UQCC1: variants seen among roughly 807,000 people sequenced by gnomAD.
UQCC1 encodes ubiquinol-cytochrome c reductase complex assembly factor 1.
Under a neutral mutation model 48.0 loss-of-function variants are expected in UQCC1, and 38 were observed. The ratio of observed to expected loss-of-function variants is 0.79; its 90% confidence interval spans 0.61 to 1.04. The LOEUF is 1.04. Ranked by LOEUF, UQCC1 falls within the 50% of genes least tolerant of loss-of-function variation. UQCC1 has a pLI of 0.00. For missense variants in UQCC1, 368 were observed against 381.8 expected, an observed-to-expected ratio of 0.96 and a Z score of 0.30; for synonymous variants, 111 against 129.2, an observed-to-expected ratio of 0.86 and a Z score of 0.95.
intron 7 of UQCC1, among the ~76,000 whole-genome samples, chr20:35,337,130 C>A (rs559004229): frequency 6.6e-6 from 1 of 151,966 alleles, no homozygotes; most frequent in Admixed American, 6.5e-5. Context: ...GGTGAAAAGA[C>A]AGACTGTTGG....
rs201225667 is a variant in UQCC1 at position 35,360,076 on chromosome 20, T to TA, written c.464+6480dup. On this transcript the variant is annotated intron_variant, in intron 6 of 9. Transcript: ENST00000374385. ...TGCCTGTCAGATCCACTATAAAGAA[T>TA]AAGCCCCTGGGTACCAGGTATCAGC... Among the ~76,000 whole-genome samples, 1,036 of 152,272 alleles carry TA rather than the reference T, an allele frequency of 6.8e-3. 10 individuals are homozygous for TA. The highest frequency in any genetic ancestry group is 0.039 in the East Asian group (204 of 5,168).
At chr20:35,401,957 A>G (rs1338210934) in intron 1 of UQCC1, among the ~76,000 whole-genome samples, 10 of 151,764 alleles carry the variant, frequency 6.6e-5, no homozygotes, top group Non-Finnish European at 2.9e-5. Context: ...CACCATGCCC[A>G]GCCGAAATCC....
intron 4 of UQCC1, among the ~76,000 whole-genome samples, chr20:35,381,166 G>A (rs1415369828): frequency 6.6e-6 from 1 of 152,208 alleles, no homozygotes; most frequent in African/African-American, 2.4e-5. Context: ...GCTAGGCCAA[G>A]AGTTGACTGG....
Position 35,338,874 on chromosome 20 carries a change from A to T in UQCC1, c.573+8290T>A, listed in dbSNP as rs1568666045. On this transcript the variant is annotated intron_variant, in intron 7 of 9. Coordinates refer to ENST00000374385, the MANE Select transcript of UQCC1 (RefSeq NM_018244.5). Reference sequence around the variant, plus strand: ...CTCAAAAGAAAAAAAAAAAAAAAAAAAAAAAAAAAAAAAAAAAAATATATA... The same window carrying T: ...CTCAAAAGAAAAAAAAAAAAAAAAATAAAAAAAAAAAAAAAAAAATATATA... Among the ~76,000 whole-genome samples the T allele has an allele frequency of 9.2e-4, 54 of 58,380 alleles. 1 individual carries two copies. Among genetic ancestry groups the T allele is most frequent in the African/African-American group, 3.3e-3 (16 of 4,872 alleles). 38.3% of individuals were successfully genotyped at this position (58,380 alleles called of 152,430 possible). A position where few individuals can be genotyped will look rare whatever the true frequency, so the allele number is the denominator to read the frequency against.
intron 7 of UQCC1, chr20:35,344,303 G>A (rs1043572054): frequency 2.6e-5 from 4 of 152,322 alleles, no homozygotes; most frequent in Non-Finnish European, 5.9e-5. Context: ...AAGAGAGATG[G>A]AGGTCCAGAA....
intron 4 of UQCC1, among the ~76,000 whole-genome samples, chr20:35,380,831 T>G (rs1600983762): frequency 6.6e-6 from 1 of 152,218 alleles, no homozygotes; most frequent in African/African-American, 2.4e-5. Flanking sequence ...GTTTTGAATT[T>G]TGGATTTGGG....
Position 35,303,949 on chromosome 20 carries a change from CGTT to C in UQCC1, c.883_885del (p.Asn295del). On this transcript the variant is annotated inframe_deletion, in exon 10 of 10. Coordinates refer to ENST00000374385, the MANE Select transcript of UQCC1 (RefSeq NM_018244.5). Reference sequence around the variant, plus strand: ...GGCCCAGCCCATCAAAGTCCCTCGTCGTTGTAAGTCGGAGAATGGGGCTTCAGG... The same window carrying C: ...GGCCCAGCCCATCAAAGTCCCTCGTCGTAAGTCGGAGAATGGGGCTTCAGG... 1 of 1,614,192 alleles carries C rather than the reference CGTT, an allele frequency of 6.2e-7. No individual in the cohort carries two copies.
At position 35,381,972 on chromosome 20, in the gene UQCC1, G is replaced by A; in HGVS notation, c.279C>T (p.Phe93=). The A allele has an allele frequency of 1.9e-6, 3 of 1,613,368 alleles. No homozygotes were observed. Among genetic ancestry groups the A allele is most frequent in the Non-Finnish European group, 1.7e-6 (2 of 1,179,638 alleles). ...ATCCCATGGCTTCTATTATCTTTGT[G>A]AAAGCACCAACCTTCTCCTCAACAG... ...PQPVEEKVGA[F]TKIIEAMGFT... is the part of the protein sequence containing the mutation. The change falls in exon 4 of 10, where the codon TTC becomes TTT. Residue 93 remains phenylalanine (F), a synonymous_variant. Coordinates refer to ENST00000374385, the MANE Select transcript of UQCC1 (RefSeq NM_018244.5).
chr20:35,337,420 C>T (rs1314123002), intron 7 of UQCC1, among the ~76,000 whole-genome samples: 1 of 152,138 alleles, frequency 6.6e-6, no homozygotes, highest in Non-Finnish European at 1.5e-5. Context: ...AACCCCTGAC[C>T]TCATGATCCA....
chr20:35,410,420 T>A (rs1017420844), intron 1 of UQCC1, among the ~76,000 whole-genome samples: 10 of 150,626 alleles, frequency 6.6e-5, no homozygotes, highest in Non-Finnish European at 1.2e-4. Context: ...TAATCCCAGC[T>A]ACTTGGGAGG....
chr20:35,309,160 G>A (rs529298189), intron 8 of UQCC1: 2 of 456,214 alleles, frequency 4.4e-6, no homozygotes, highest in Non-Finnish European at 8.8e-6. Context: ...GAGTGGGAGA[G>A]CAATCAGAAT....
chr20:35,366,739 T>A, intron 5 of UQCC1, 125 bp from the exon 6 acceptor site: 1 of 739,248 alleles, frequency 1.4e-6, no homozygotes, highest in Non-Finnish European at 2.3e-6. Context: ...AAAAGTCCAG[T>A]AGAACAATAG....
chr20:35,309,425 C>G (rs1199975608), intron 8 of UQCC1, among the ~76,000 whole-genome samples: 5 of 150,992 alleles, frequency 3.3e-5, no homozygotes, highest in African/African-American at 1.2e-4. Flanking sequence ...AGAGTGAGAC[C>G]CTGTCTTAGG....
At chr20:35,385,015 G>C (rs189589009) in intron 2 of UQCC1, among the ~76,000 whole-genome samples, 16 of 146,798 alleles carry the variant, frequency 1.1e-4, no homozygotes, top group African/African-American at 3.8e-4. Flanking sequence ...TGGAAACCTG[G>C]AACTACATCT....
chr20:35,316,062 C>T (rs1448757643), intron 7 of UQCC1, among the ~76,000 whole-genome samples: 2 of 152,142 alleles, frequency 1.3e-5, no homozygotes, highest in African/African-American at 4.8e-5. Context: ...CAGACAGTAA[C>T]ACGCTGTAAG....
intron 1 of UQCC1, among the ~76,000 whole-genome samples, chr20:35,397,125 G>A (rs571469919): frequency 6.6e-6 from 1 of 151,252 alleles, no homozygotes; most frequent in East Asian, 1.9e-4. Flanking sequence ...TTGAACCCAG[G>A]AGGCAAAGGT....
chr20:35,382,792 G>A lies in UQCC1; in HGVS notation c.226-767C>T, dbSNP rs1265585694. 2.6e-5 allele frequency among the ~76,000 whole-genome samples: 4 copies of A among 151,940 alleles called. No individual in the cohort carries two copies. In the East Asian group the frequency reaches 5.8e-4, roughly 22 times the overall value. ...CCCAAAGTGCTGGGATTACAGGCGTGAGCCACCGCGCCCGGCCTAATTTTC... is the reference window on the plus strand; with the variant it reads ...CCCAAAGTGCTGGGATTACAGGCGTAAGCCACCGCGCCCGGCCTAATTTTC... On this transcript the variant is annotated intron_variant, in intron 3 of 9. Coordinates refer to ENST00000374385, the MANE Select transcript of UQCC1 (RefSeq NM_018244.5).
chr20:35,336,451 AAG>A (rs1307535912), intron 7 of UQCC1, among the ~76,000 whole-genome samples: 9 of 152,170 alleles, frequency 5.9e-5, no homozygotes, highest in African/African-American at 1.2e-4. Context: ...CCTTCCTTTT[AAG>A]AGAGAGGCGG....
At chr20:35,351,102 C>CT (rs1055795618) in intron 6 of UQCC1, among the ~76,000 whole-genome samples, 1 of 151,394 alleles carries the variant, frequency 6.6e-6, no homozygotes, top group Non-Finnish European at 1.5e-5. Context: ...AGAAATAGCA[C>CT]TTTGTAGGCT....
Sources: allele counts gnomAD v4.1 joint callset (sites outside exome capture counted in the v4.1 genomes callset), GRCh38; gene constraint gnomAD v4.1.1; transcripts MANE v1.5; gene names NCBI Gene and HGNC (gene_info 2026-07-23, HGNC 2026-07-21).